The following ADRA1B variants were observed in gnomAD, a reference collection of about 807,000 sequenced individuals.
The protein encoded by ADRA1B is adrenoceptor alpha 1B.
ADRA1B carries 17 observed loss-of-function variants against 17.9 expected under a neutral mutation model. That is an observed-to-expected ratio of 0.95 (90% CI 0.65 to 1.42). The LOEUF is 1.42. Ranked by LOEUF, ADRA1B falls within the 40% of genes most tolerant of loss-of-function variation. The probability of loss-of-function intolerance (pLI) is 0.00; values close to 1 mark genes in which losing one functional copy is unlikely to be tolerated. For synonymous variants in ADRA1B, 366 were observed against 327.6 expected (o/e 1.12, Z -1.27); for missense variants, 681 against 722.1 (o/e 0.94, Z 0.65).
At chr5:159,948,539 A>G in intron 1 of ADRA1B, 1 of 924,152 alleles carries the variant, frequency 1.1e-6, no homozygotes, top group Non-Finnish European at 1.3e-6. Flanking sequence ...AATTTAAAAG[A>G]ATCAGAAAAA....
At chr5:159,890,836 C>A (rs914706725) in intron 1 of ADRA1B, among the ~76,000 whole-genome samples, 1 of 152,188 alleles carries the variant, frequency 6.6e-6, no homozygotes, top group Non-Finnish European at 1.5e-5. Flanking sequence ...CCATCGCCAC[C>A]CTAAAGGTGA....
At chr5:159,938,052 T>C (rs1327305954) in intron 1 of ADRA1B, among the ~76,000 whole-genome samples, 2 of 152,232 alleles carry the variant, frequency 1.3e-5, no homozygotes, top group African/African-American at 4.8e-5. Context: ...CTTCTCTTCT[T>C]ATTATCAGTG....
chr5:159,890,774 G>A (rs939563084), intron 1 of ADRA1B, among the ~76,000 whole-genome samples: 32 of 152,318 alleles, frequency 2.1e-4, no homozygotes, highest in South Asian at 4.1e-4. Context: ...TATTGGTCAA[G>A]GCAGCTACAG....
chr5:159,988,406 C>A, the ADRA1B span, among the ~76,000 whole-genome samples: 4 of 152,204 alleles, frequency 2.6e-5, no homozygotes, highest in Admixed American at 6.5e-5. Flanking sequence ...CTTTATGCCA[C>A]TATTTTGTAA....
At chr5:159,897,473 G>A (rs907246932) in intron 1 of ADRA1B, among the ~76,000 whole-genome samples, 6 of 151,586 alleles carry the variant, frequency 4.0e-5, no homozygotes, top group Admixed American at 1.3e-4. Flanking sequence ...GTGACAGAGT[G>A]AGACTCCATC....
rs137860249 is a variant in ADRA1B at position 159,878,067 on chromosome 5, G to A, written c.-256+12861G>A. 5.5e-3 allele frequency among the ~76,000 whole-genome samples: 837 copies of A among 152,314 alleles called. 5 individuals carry two copies. The highest frequency in any genetic ancestry group is 0.019 in the African/African-American group (793 of 41,550). On this transcript the variant is annotated intron_variant, in intron 1 of 2. Coordinates refer to the ADRA1B transcript ENST00000641205. ...GGTCTCTTCAGCTTGGTCTTGTCAG[G>A]ACTCCAGGGCTGAACGAGGCCCAAG...
intron 1 of ADRA1B, among the ~76,000 whole-genome samples, chr5:159,928,559 T>G (rs962646537): frequency 1.3e-5 from 2 of 152,116 alleles, no homozygotes; most frequent in Non-Finnish European, 2.9e-5. Context: ...ATTTAACTTT[T>G]TCCAAGTGTG....
At chr5:159,930,862 T>C (rs1014244937) in intron 1 of ADRA1B, among the ~76,000 whole-genome samples, 2 of 151,710 alleles carry the variant, frequency 1.3e-5, no homozygotes, top group Non-Finnish European at 2.9e-5. Context: ...AGAATACAAA[T>C]TGGGTTTCAG....
chr5:159,982,200 C>G, the ADRA1B span, among the ~76,000 whole-genome samples: 1 of 152,340 alleles, frequency 6.6e-6, no homozygotes, highest in Admixed American at 6.5e-5. Flanking sequence ...AGCCAATCCC[C>G]ATAATGGTGA....
At chr5:159,983,638 CT>C in the ADRA1B span, among the ~76,000 whole-genome samples, 1 of 152,164 alleles carries the variant, frequency 6.6e-6, no homozygotes, top group Non-Finnish European at 1.5e-5. Context: ...TTGATTGTGT[CT>C]GCTGCATTAG....
intron 1 of ADRA1B, among the ~76,000 whole-genome samples, chr5:159,893,695 G>C (rs1159789822): frequency 1.3e-5 from 2 of 152,190 alleles, no homozygotes; most frequent in Non-Finnish European, 2.9e-5. Context: ...TATGCCAAAA[G>C]GAGCAGAGAA....
intron 1 of ADRA1B, among the ~76,000 whole-genome samples, chr5:159,878,816 A>T (rs1753827833): frequency 6.6e-6 from 1 of 152,198 alleles, no homozygotes; most frequent in African/African-American, 2.4e-5. Context: ...GTCTTCACAC[A>T]CTGCAATATT....
chr5:159,877,546 G>A (rs1303142545), intron 1 of ADRA1B, among the ~76,000 whole-genome samples: 2 of 152,086 alleles, frequency 1.3e-5, no homozygotes, highest in Non-Finnish European at 2.9e-5. Flanking sequence ...ATCTCATTGG[G>A]TCCTTCTGAT....
chr5:159,953,270 G>A (rs183017722), intron 1 of ADRA1B, among the ~76,000 whole-genome samples: 5 of 152,260 alleles, frequency 3.3e-5, no homozygotes, highest in African/African-American at 1.2e-4. Flanking sequence ...TGAGGCAGGA[G>A]AATCACTTGA....
At chr5:159,939,274 AGAGAGTGTGT>A (rs1228200519) in intron 1 of ADRA1B, among the ~76,000 whole-genome samples, 2,015 of 77,782 alleles carry the variant, frequency 0.026, 19 homozygotes, top group Middle Eastern at 0.037. Flanking sequence ...AGAGAGAGAG[AGAGAGTGTGT>A]GTGTGTGTGT....
intron 1 of ADRA1B, among the ~76,000 whole-genome samples, chr5:159,955,762 G>A (rs537809718): frequency 2.6e-5 from 4 of 152,214 alleles, no homozygotes; most frequent in South Asian, 2.1e-4. Context: ...GAAGGAGGGG[G>A]CCCTGGTAGC....
the ADRA1B span, among the ~76,000 whole-genome samples, chr5:159,984,630 GC>G: frequency 6.6e-6 from 1 of 152,130 alleles, no homozygotes; most frequent in East Asian, 1.9e-4. Flanking sequence ...GGACGTGGTA[GC>G]TCACGCCTGT....
rs907704323 is a variant in ADRA1B at position 159,951,624 on chromosome 5, A to AG, written c.950-20251dup. ...TGGATAGACGAGACCACTGTGAGAC[A>AG]GGGGCAAAGAATGCAGTCTGCTCCT... On this transcript the variant is annotated intron_variant, in intron 1 of 1. Transcript: ENST00000306675. The AG allele has an allele frequency of 6.0e-4, 233 of 386,080 alleles. 1 individual carries two copies. Among genetic ancestry groups the AG allele is most frequent in the Middle Eastern group, 2.5e-3 (3 of 1,184 alleles). 23.9% of individuals were successfully genotyped at this position (386,080 alleles called of 1,614,324 possible). A position where few individuals can be genotyped will look rare whatever the true frequency, so the allele number is the denominator to read the frequency against.
chr5:159,972,352 A>C lies in ADRA1B; in HGVS notation c.1423A>C (p.Thr475Pro), dbSNP rs1200579979. The C allele has an allele frequency of 6.7e-7, 1 of 1,496,810 alleles. No homozygotes were observed. The highest frequency in any genetic ancestry group is 1.2e-5 in the South Asian group (1 of 80,308). The allele number at this position is 1,496,810 out of a possible 1,614,324, so 92.7% of individuals were successfully genotyped here. Residue 475 changes from threonine to proline, a missense_variant, in exon 2 of 2, where the codon ACC (threonine) becomes CCC (proline). Physicochemically the swap from Thr to Pro is conservative, Grantham distance 38. Coordinates refer to ENST00000306675, the MANE Select transcript of ADRA1B (RefSeq NM_000679.4). The part of the protein sequence containing the change: ...RGRHDSGPLF[T>P]FKLLTEPESP... ...CCGCCACGACTCGGGCCCGCTCTTC[A>C]CCTTCAAGCTCCTGACCGAGCCCGA...
Sources: gnomAD v4.1 joint callset for allele counts (sites outside exome capture counted in the v4.1 genomes callset) on GRCh38, gnomAD v4.1.1 for gene constraint, MANE v1.5 for transcripts, NCBI Gene and HGNC (gene_info 2026-07-23, HGNC 2026-07-21) for gene names.